The following PARD3B variants were observed in gnomAD, a reference collection of about 807,000 sequenced individuals.
PARD3B encodes the protein par-3 family cell polarity regulator beta.
Under a neutral mutation model 130.2 loss-of-function variants are expected in PARD3B, and 103 were observed. The ratio of observed to expected loss-of-function variants is 0.79; its 90% CI spans 0.67 to 0.93. The LOEUF (loss-of-function observed/expected upper bound fraction) is 0.93. Ranked by LOEUF, PARD3B falls within the 40% of genes least tolerant of loss-of-function variation. The probability of loss-of-function intolerance (pLI) is 0.00; values close to 1 mark genes in which losing one functional copy is unlikely to be tolerated. For missense variants in PARD3B, 1,609 were observed against 1,499.2 expected (o/e 1.07, Z -1.21); for synonymous variants, 583 against 553.2 (o/e 1.05, Z -0.76).
chr2:205,534,764 C>A (rs916933950), intron 21 of PARD3B, among the ~76,000 whole-genome samples: 8 of 152,180 alleles, frequency 5.3e-5, no homozygotes, highest in African/African-American at 1.9e-4. Flanking sequence ...CCACTGCACC[C>A]AGCCTAACCA....
intron 1 of PARD3B, among the ~76,000 whole-genome samples, chr2:204,578,466 T>G (rs912919216): frequency 2.0e-5 from 3 of 152,186 alleles, no homozygotes; most frequent in African/African-American, 4.8e-5. Context: ...TATATATTTT[T>G]TGTGTGTGTT....
At chr2:204,763,642 T>G (rs1009358105) in intron 2 of PARD3B, among the ~76,000 whole-genome samples, 1 of 152,238 alleles carries the variant, frequency 6.6e-6, no homozygotes, top group African/African-American at 2.4e-5. Context: ...TAGAAGTGAC[T>G]GACGCATAGC....
chr2:204,722,380 C>T (rs533308971), intron 2 of PARD3B, among the ~76,000 whole-genome samples: 14 of 152,274 alleles, frequency 9.2e-5, no homozygotes, highest in Non-Finnish European at 1.8e-4. Flanking sequence ...ATCTGGCTGA[C>T]AAATGCTTTG....
At chr2:204,902,529 C>T (rs1575258062) in intron 2 of PARD3B, among the ~76,000 whole-genome samples, 2 of 151,854 alleles carry the variant, frequency 1.3e-5, no homozygotes, top group African/African-American at 2.4e-5. Flanking sequence ...ATTAGCCGGG[C>T]GTGGTGGCGG....
chr2:205,485,204 T>C (rs2049391288), intron 20 of PARD3B, among the ~76,000 whole-genome samples: 1 of 152,220 alleles, frequency 6.6e-6, no homozygotes, highest in African/African-American at 2.4e-5. Flanking sequence ...TTTAACTTTT[T>C]GCTGTCTGAT....
intron 1 of PARD3B, among the ~76,000 whole-genome samples, chr2:204,646,733 G>A (rs1373416386): frequency 1.3e-5 from 2 of 152,016 alleles, no homozygotes; most frequent in Non-Finnish European, 2.9e-5. Context: ...TATTATCAGA[G>A]TTCTGGTTCT....
chr2:204,682,618 G>T (rs1390243718), intron 1 of PARD3B, among the ~76,000 whole-genome samples: 1 of 152,156 alleles, frequency 6.6e-6, no homozygotes, highest in East Asian at 1.9e-4. Context: ...CAGTTGCATG[G>T]CTGAGAACTG....
chr2:205,132,699 A>T (rs2032115177), intron 10 of PARD3B, among the ~76,000 whole-genome samples: 1 of 152,132 alleles, frequency 6.6e-6, no homozygotes, highest in Admixed American at 6.5e-5. Context: ...ACATTTGGGA[A>T]TCTCATGGCC....
intron 3 of PARD3B, among the ~76,000 whole-genome samples, chr2:204,974,962 A>C (rs1228791781): frequency 1.3e-5 from 2 of 152,216 alleles, no homozygotes; most frequent in Admixed American, 1.3e-4. Context: ...GTAGCTTGCA[A>C]TCAAGTTGAC....
chr2:205,019,709 AT>A (rs1696451470), intron 3 of PARD3B, among the ~76,000 whole-genome samples: 1 of 152,126 alleles, frequency 6.6e-6, no homozygotes, highest in Non-Finnish European at 1.5e-5. Flanking sequence ...TGTAGTTTTG[AT>A]TTTCATTTCT....
At chr2:204,564,946 C>T (rs2031578926) in intron 1 of PARD3B, among the ~76,000 whole-genome samples, 1 of 152,196 alleles carries the variant, frequency 6.6e-6, no homozygotes, top group Non-Finnish European at 1.5e-5. Flanking sequence ...GGTTAGCAGT[C>T]TGCACACAGC....
At chr2:205,237,106 T>C (rs1016765466) in intron 15 of PARD3B, among the ~76,000 whole-genome samples, 5 of 152,138 alleles carry the variant, frequency 3.3e-5, no homozygotes, top group Non-Finnish European at 5.9e-5. Context: ...TTTGTTTGTT[T>C]GTTTGTTTTT....
chr2:204,946,054 T>C (rs1689297498), intron 2 of PARD3B, among the ~76,000 whole-genome samples: 1 of 152,232 alleles, frequency 6.6e-6, no homozygotes, highest in Non-Finnish European at 1.5e-5. Context: ...CTTAACAGCT[T>C]CCCTGCAAAT....
At chr2:205,231,333 T>C (rs2038823891) in intron 15 of PARD3B, among the ~76,000 whole-genome samples, 1 of 151,698 alleles carries the variant, frequency 6.6e-6, no homozygotes, top group African/African-American at 2.4e-5. Flanking sequence ...TTAACTATTT[T>C]TTTTTTTTTT....
At chr2:204,792,303 T>C (rs1323985554) in intron 2 of PARD3B, among the ~76,000 whole-genome samples, 2 of 152,198 alleles carry the variant, frequency 1.3e-5, no homozygotes, top group Admixed American at 1.3e-4. Context: ...ATCATATTTT[T>C]TCTTAAAGTG....
intron 2 of PARD3B, among the ~76,000 whole-genome samples, chr2:204,847,579 C>T (rs1056912449): frequency 1.2e-4 from 18 of 152,136 alleles, no homozygotes; most frequent in African/African-American, 4.3e-4. Context: ...TAAAATCTCG[C>T]ACCATCTCAC....
intron 2 of PARD3B, among the ~76,000 whole-genome samples, chr2:204,960,777 G>T (rs1690678871): frequency 6.6e-6 from 1 of 152,098 alleles, no homozygotes; most frequent in Non-Finnish European, 1.5e-5. Context: ...TTCTAGTGAG[G>T]TGCGGAGACA....
intron 18 of PARD3B, among the ~76,000 whole-genome samples, chr2:205,329,555 C>T (rs538971613): frequency 4.2e-4 from 64 of 152,274 alleles, no homozygotes; most frequent in African/African-American, 1.5e-3. Context: ...GGTTATGACT[C>T]TGTGAAAGTA....
chr2:204,686,244 G>C lies in PARD3B; in HGVS notation c.184G>C (p.Asp62His), dbSNP rs2037077548. The C allele has an allele frequency of 6.2e-7, 1 of 1,612,728 alleles. No individual in the cohort carries two copies. Among genetic ancestry groups the C allele is most frequent in the Admixed American group, 1.7e-5 (1 of 59,956 alleles). Residue 62 changes from aspartate to histidine, a missense_variant, in exon 2 of 23, where the codon GAT (aspartate) becomes CAT (histidine). Asp to His is a moderately conservative substitution (Grantham distance 81, BLOSUM62 -1). Coordinates refer to ENST00000406610, the MANE Select transcript of PARD3B (RefSeq NM_001302769.2). ...TACAGATGGAGGAATCCTGGATCCA[G>C]ATGATGTCTTGGCAGATGTTGTTGA... ...EYTDGGILDP[D>H]DVLADVVEDK...
Sources: allele counts gnomAD v4.1 joint callset (sites outside exome capture counted in the v4.1 genomes callset), GRCh38; gene constraint gnomAD v4.1.1; transcripts MANE v1.5; gene names NCBI Gene and HGNC (gene_info 2026-07-23, HGNC 2026-07-21).